NAB1: variants seen among roughly 807,000 people sequenced by gnomAD.
NAB1 encodes the protein NGFI-A-binding protein 1.
In NAB1, 25 loss-of-function variants were observed where a neutral mutation model predicts 49.9. That is an observed-to-expected ratio of 0.50 (90% CI 0.37 to 0.70). NAB1 has a LOEUF of 0.70. Among genes scored for constraint, NAB1 ranks in the 30% least tolerant of loss-of-function variants. The probability of loss-of-function intolerance (pLI) is 0.00; values close to 1 mark genes in which losing one functional copy is unlikely to be tolerated. For synonymous variants in NAB1, 198 were observed against 215.6 expected (o/e 0.92, Z 0.71); for missense variants, 489 against 575.9 (o/e 0.85, Z 1.54).
At chr2:190,655,154 A>G (rs1409624460) in intron 2 of NAB1, among the ~76,000 whole-genome samples, 1 of 152,266 alleles carries the variant, frequency 6.6e-6, no homozygotes, top group East Asian at 1.9e-4. Context: ...GAATACATGT[A>G]AAGACAAAAC....
At chr2:190,668,455 A>G (rs578060968) in intron 4 of NAB1, among the ~76,000 whole-genome samples, 4 of 152,288 alleles carry the variant, frequency 2.6e-5, no homozygotes, top group East Asian at 3.9e-4. Flanking sequence ...GGATTTTTCA[A>G]TTCATTCGTC....
rs373755744 is a variant in NAB1, at chr2:190,659,769, C to T, written c.593C>T (p.Ser198Phe). ...GCGCTGGATGCTGCTGCTGCGCTCT[C>T]TGTGGCTGAGTGTGTGGAGCGGATG... The part of the protein sequence containing the change: ...SEALDAAAAL[S>F]VAECVERMAP... Residue 198 changes from serine (S) to phenylalanine (F), a missense_variant, in exon 4 of 10, where the codon TCT becomes TTT. Physicochemically the swap from Ser to Phe is radical, Grantham distance 155. Around this residue, in one of 4 missense-constraint regions of NAB1, gnomAD observed 204 missense variants for 220.9 expected, o/e 0.92. Transcript: ENST00000337386. This position sits in a 1 kb window ranked among gnomAD's most constrained non-coding sequence, Gnocchi z 6.2. 2 of 1,613,942 alleles carry T rather than the reference C, an allele frequency of 1.2e-6. No homozygotes were observed. Among genetic ancestry groups the T allele is most frequent in the African/African-American group, 2.7e-5 (2 of 74,926 alleles).
At position 190,670,845 on chromosome 2, in the gene NAB1, A is replaced by G. The variant is rs1350870417; in HGVS notation, c.953+386A>G. 1.3e-5 allele frequency among the ~76,000 whole-genome samples: 2 copies of G among 150,072 alleles called. No homozygotes were observed. The highest frequency in any genetic ancestry group is 3.0e-5 in the Non-Finnish European group (2 of 67,612). The stretch of plus-strand genomic sequence containing the variant: ...AGGAAATAGAATGGTCCTTTTTGCA[A>G]GGTGTTTGAATCTGATGAGATTAGC... On this transcript the variant is annotated intron_variant, in intron 5 of 9. Transcript: ENST00000337386. The surrounding 1 kb of genome is among the most constrained non-coding windows in gnomAD (Gnocchi z 5.3).
chr2:190,690,034 T>C (rs59995395), intron 9 of NAB1, among the ~76,000 whole-genome samples: 75 of 8,440 alleles, frequency 8.9e-3, no homozygotes, highest in Middle Eastern at 0.045. Flanking sequence ...GTATACTATA[T>C]GTATACATCT....
chr2:190,654,409 G>A lies in NAB1; in HGVS notation c.-196-1568G>A, dbSNP rs12467273. Among the ~76,000 whole-genome samples the A allele has an allele frequency of 0.2, 31,075 of 152,090 alleles. 3,677 individuals are homozygous for A. The highest frequency in any genetic ancestry group is 0.43 in the East Asian group (2,193 of 5,148). ...AAATGTAAGAGAGACAAAGTGTTGC[G>A]GGGTTCAGAGAAGGGAGATGACAGC... is the stretch of plus-strand genomic sequence containing the variant. On this transcript the variant is annotated intron_variant, in intron 2 of 9. Transcript: ENST00000337386. The surrounding 1 kb of genome is among the most constrained non-coding windows in gnomAD (Gnocchi z 5.6).
chr2:190,655,648 T>C (rs924195244), intron 2 of NAB1, among the ~76,000 whole-genome samples: 1 of 152,190 alleles, frequency 6.6e-6, no homozygotes, highest in African/African-American at 2.4e-5. Flanking sequence ...ATGGTTCTTC[T>C]TTTCTCTAGT....
Position 190,663,569 on chromosome 2 carries a change from T to C in NAB1, c.819+3574T>C, listed in dbSNP as rs991973267. ...GCCTAAAATATTTACTCTCTGGCCT[T>C]TTACAGAAAAAGCTTGCCAACCTCT... On this transcript the variant is annotated intron_variant, in intron 4 of 9. Transcript: ENST00000337386. This position sits in a 1 kb window ranked among gnomAD's most constrained non-coding sequence, Gnocchi z 4.2. Among the ~76,000 whole-genome samples the C allele has an allele frequency of 2.0e-5, 3 of 152,216 alleles. No individual in the cohort carries two copies. The East Asian group carries it at 5.8e-4, about 29-fold the overall frequency.
chr2:190,660,134 G>A (rs1362821326), intron 4 of NAB1, 139 bp downstream of exon 4: 1 of 714,954 alleles, frequency 1.4e-6, no homozygotes, highest in Non-Finnish European at 2.3e-6. Flanking sequence ...TTAGCAACAT[G>A]TAGCACTTTT....
intron 3 of NAB1, among the ~76,000 whole-genome samples, chr2:190,658,618 A>G (rs185168692): frequency 3.2e-4 from 49 of 152,248 alleles, no homozygotes; most frequent in African/African-American, 1.2e-3. Flanking sequence ...TCCAATTCAT[A>G]CTGAAATCTA....
Position 190,685,627 on chromosome 2 carries a change from C to CA in NAB1, c.1248dup (p.Asp417ArgfsTer14). The CA allele has an allele frequency of 1.9e-6, 3 of 1,608,274 alleles. No individual in the cohort carries two copies. The highest frequency in any genetic ancestry group is 1.7e-6 in the Non-Finnish European group (2 of 1,177,684). On this transcript the variant is annotated frameshift_variant, in exon 8 of 10. Transcript: ENST00000337386. LOFTEE classifies it high-confidence loss of function. The surrounding 1 kb of genome is among the most constrained non-coding windows in gnomAD (Gnocchi z 4.5). The stretch of plus-strand genomic sequence containing the variant: ...CCTAACGGCTTGACTTCCGATAACT[C>CA]AGATGGACAAGGTACATCTTTAGAA...
rs191848282 is a variant in NAB1 at position 190,685,992 on chromosome 2, G to C, written c.1258+354G>C. ...ATGACCAAAACTTCATATTTTTTTA[G>C]ACTTCAAAAACAAGTTTGTGAAATT... On this transcript the variant is annotated intron_variant, in intron 8 of 9. Transcript: ENST00000337386. This position sits in a 1 kb window ranked among gnomAD's most constrained non-coding sequence, Gnocchi z 4.5. Among the ~76,000 whole-genome samples the C allele has an allele frequency of 1.1e-4, 17 of 152,168 alleles. No homozygotes were observed. Among genetic ancestry groups the C allele is most frequent in the African/African-American group, 3.9e-4 (16 of 41,478 alleles).
chr2:190,659,126 T>C lies in NAB1; in HGVS notation c.-19-32T>C. Reference sequence around the variant, plus strand: ...TGTAAGGAGTTTGAAGCAAGTATGATGAGTTTTTACTTTTTTTTTTTTTTT... The same window carrying C: ...TGTAAGGAGTTTGAAGCAAGTATGACGAGTTTTTACTTTTTTTTTTTTTTT... On this transcript the variant is annotated intron_variant, in intron 3 of 9. Transcript: ENST00000337386. The surrounding 1 kb of genome is among the most constrained non-coding windows in gnomAD (Gnocchi z 6.2). 2.1e-6 allele frequency: 3 copies of C among 1,406,078 alleles called. No individual in the cohort carries two copies. The highest frequency in any genetic ancestry group is 2.9e-6 in the Non-Finnish European group (3 of 1,032,710). The allele number at this position is 1,406,078 out of a possible 1,614,324, so 87.1% of individuals were successfully genotyped here.
chr2:190,691,287 A>G lies in NAB1; in HGVS notation c.*954A>G, dbSNP rs989377034. 2 of 152,684 alleles carry G rather than the reference A, an allele frequency of 1.3e-5. No individual in the cohort carries two copies. The highest frequency in any genetic ancestry group is 4.8e-5 in the African/African-American group (2 of 41,590). 9.5% of individuals were successfully genotyped at this position (152,684 alleles called of 1,614,324 possible). ...ATTTTATATCCAGAAAGTCTTCTCT[A>G]TGTAGAGAAGTCAGAGAGACTAGAT... On this transcript the variant is annotated 3_prime_UTR_variant, in exon 10 of 10. Transcript: ENST00000337386. The surrounding 1 kb of genome is among the most constrained non-coding windows in gnomAD (Gnocchi z 4.1).
chr2:190,663,745 T>C lies in NAB1; in HGVS notation c.819+3750T>C, dbSNP rs1694345575. ...CATTAATTTTTAGTCATTCTTTTTC[T>C]AATATGAGCAATTAAAGTATAAATT... On this transcript the variant is annotated intron_variant, in intron 4 of 9. Transcript: ENST00000337386. This position sits in a 1 kb window ranked among gnomAD's most constrained non-coding sequence, Gnocchi z 4.2. Among the ~76,000 whole-genome samples the C allele has an allele frequency of 6.6e-6, 1 of 152,212 alleles. No homozygotes were observed. The highest frequency in any genetic ancestry group is 1.5e-5 in the Non-Finnish European group (1 of 68,036).
At chr2:190,656,644 T>C (rs1415462367) in intron 3 of NAB1, among the ~76,000 whole-genome samples, 1 of 152,106 alleles carries the variant, frequency 6.6e-6, no homozygotes, top group East Asian at 1.9e-4. Flanking sequence ...AACTAGGGGG[T>C]TTCATTTTTT....
rs536836760 is a variant in NAB1 at position 190,663,570 on chromosome 2, T to C, written c.819+3575T>C. On this transcript the variant is annotated intron_variant, in intron 4 of 9. Coordinates refer to ENST00000337386, the MANE Select transcript of NAB1 (RefSeq NM_005966.4). The surrounding 1 kb of genome is among the most constrained non-coding windows in gnomAD (Gnocchi z 4.2). ...CCTAAAATATTTACTCTCTGGCCTT[T>C]TACAGAAAAAGCTTGCCAACCTCTG... is the stretch of plus-strand genomic sequence containing the variant. 1.3e-5 allele frequency among the ~76,000 whole-genome samples: 2 copies of C among 152,344 alleles called. No homozygotes were observed. The highest frequency in any genetic ancestry group is 4.1e-4 in the South Asian group (2 of 4,830).
chr2:190,684,759 A>G lies in NAB1; in HGVS notation c.1096-717A>G, dbSNP rs1695521676. Among the ~76,000 whole-genome samples the G allele has an allele frequency of 6.6e-6, 1 of 152,238 alleles. No individual in the cohort carries two copies. The highest frequency in any genetic ancestry group is 2.4e-5 in the African/African-American group (1 of 41,466). ...ATCTCCTTGGCAAAATACCACAAAT[A>G]CACTGCTCTGAATATCACATATAAG... On this transcript the variant is annotated intron_variant, in intron 7 of 9. Coordinates refer to ENST00000337386, the MANE Select transcript of NAB1 (RefSeq NM_005966.4). This position sits in a 1 kb window ranked among gnomAD's most constrained non-coding sequence, Gnocchi z 4.6.
rs891750198 is a variant in NAB1, at chr2:190,657,803, C to T, written c.-19-1355C>T. ...TGGCATAAAACAAAAGTCCCAAGTTCAGTGACTTCTTGGCTTTCAGGGACG... is the reference window on the plus strand; with the variant it reads ...TGGCATAAAACAAAAGTCCCAAGTTTAGTGACTTCTTGGCTTTCAGGGACG... On this transcript the variant is annotated intron_variant, in intron 3 of 9. Transcript: ENST00000337386. This position sits in a 1 kb window ranked among gnomAD's most constrained non-coding sequence, Gnocchi z 4.4. Among the ~76,000 whole-genome samples the T allele has an allele frequency of 6.6e-6, 1 of 152,182 alleles. No homozygotes were observed. The highest frequency in any genetic ancestry group is 1.5e-5 in the Non-Finnish European group (1 of 68,034).
intron 4 of NAB1, among the ~76,000 whole-genome samples, chr2:190,664,461 G>C (rs1694387628): frequency 6.6e-6 from 1 of 151,132 alleles, no homozygotes; most frequent in Non-Finnish European, 1.5e-5. Flanking sequence ...CTCCCACTCA[G>C]CCTCCTGGGT....
Sources: gnomAD v4.1 joint callset for allele counts (sites outside exome capture counted in the v4.1 genomes callset) on GRCh38, gnomAD v4.1.1 for gene constraint, gnomAD v4.1.1 regional missense constraint, Gnocchi (gnomAD v3.1) non-coding constraint, MANE v1.5 for transcripts, NCBI Gene and HGNC (gene_info 2026-07-23, HGNC 2026-07-21) for gene names.